Variants in KLF12 observed in about 807,000 individuals in gnomAD.
KLF12 encodes the protein KLF transcription factor 12.
A neutral mutation model predicts 37.8 loss-of-function variants in KLF12; 9 were observed. The observed-to-expected ratio is 0.24, with a 90% CI of 0.14 to 0.42. KLF12 has a LOEUF of 0.42. KLF12 is among the 10% of genes least tolerant of loss of function. KLF12 has a pLI of 1.00. For synonymous variants in KLF12, 208 were observed against 202.1 expected (o/e 1.03, Z -0.25); for missense variants, 411 against 516.0 (o/e 0.80, Z 1.97).
chr13:74,255,234 C>T, the KLF12 span, among the ~76,000 whole-genome samples: 1 of 152,124 alleles, frequency 6.6e-6, no homozygotes, highest in African/African-American at 2.4e-5. Flanking sequence ...GTAAGTGCTC[C>T]ATAAATACTG....
At chr13:73,791,585 C>T (rs1448997743) in intron 5 of KLF12, among the ~76,000 whole-genome samples, 1 of 152,190 alleles carries the variant, frequency 6.6e-6, no homozygotes, top group African/African-American at 2.4e-5. Context: ...ACCTTATGCT[C>T]TGCATATCTA....
At chr13:73,746,299 G>A (rs1878366655) in intron 6 of KLF12, among the ~76,000 whole-genome samples, 1 of 152,066 alleles carries the variant, frequency 6.6e-6, no homozygotes. Context: ...AACTCCCAGG[G>A]CCAACATATG....
intron 7 of KLF12, among the ~76,000 whole-genome samples, chr13:73,703,600 A>C (rs1874713462): frequency 6.6e-6 from 1 of 152,192 alleles, no homozygotes; most frequent in Admixed American, 6.5e-5. Context: ...TTCTCTAATA[A>C]GTATTGTTGA....
the KLF12 span, among the ~76,000 whole-genome samples, chr13:74,190,835 A>G: frequency 6.6e-6 from 1 of 152,202 alleles, no homozygotes; most frequent in Admixed American, 6.5e-5. Flanking sequence ...CTAGGATTCA[A>G]TGTTTCAATG....
At chr13:73,817,224 G>A (rs113288408) in intron 4 of KLF12, among the ~76,000 whole-genome samples, 29,648 of 150,842 alleles carry the variant, frequency 0.2, 3,252 homozygotes, top group East Asian at 0.48. Flanking sequence ...AGGCTGAGGT[G>A]GGAGGATCAC....
chr13:73,797,686 C>T (rs1477903846), intron 5 of KLF12, among the ~76,000 whole-genome samples: 1 of 149,426 alleles, frequency 6.7e-6, no homozygotes, highest in African/African-American at 2.5e-5. Context: ...AGGATGATCC[C>T]TTGAGCCCAG....
chr13:73,879,881 C>T (rs754334675), intron 3 of KLF12, among the ~76,000 whole-genome samples: 4 of 152,206 alleles, frequency 2.6e-5, no homozygotes, highest in Admixed American at 2.6e-4. Context: ...ATATGGTTCA[C>T]ACAGCCTAAA....
At chr13:73,945,246 A>G (rs2139375439) in intron 2 of KLF12, among the ~76,000 whole-genome samples, 1 of 152,312 alleles carries the variant, frequency 6.6e-6, no homozygotes, top group African/African-American at 2.4e-5. Flanking sequence ...AGGCGGGTGG[A>G]TCACCTGAGG....
In KLF12 at chr13:73,862,052, TG is replaced by T. The variant is rs200304960; in HGVS notation, c.124-15680del. On this transcript the variant is annotated intron_variant, in intron 3 of 7. Coordinates refer to ENST00000377669, the MANE Select transcript of KLF12 (RefSeq NM_007249.5). ...ACAAACAGAAGAGTGCAGATATAGT[TG>T]GGTTTTTTTTTTTTTTTTGAAAAAT... Among the ~76,000 whole-genome samples the T allele has an allele frequency of 5.4e-5, 6 of 111,302 alleles. 1 individual carries two copies. Among genetic ancestry groups the T allele is most frequent in the South Asian group, 8.0e-4 (2 of 2,508 alleles). 73.0% of individuals were successfully genotyped at this position (111,302 alleles called of 152,430 possible).
rs375603878 is a variant in KLF12 at position 73,765,970 on chromosome 13, A to G, written c.807-970T>C. On this transcript the variant is annotated intron_variant, in intron 5 of 7. Coordinates refer to ENST00000377669, the MANE Select transcript of KLF12 (RefSeq NM_007249.5). The stretch of plus-strand genomic sequence containing the variant: ...CCCAGTTCTCTGTAGTTGTTTAATA[A>G]GTGAAAATCATTCCAAAACAGATAA... 4.1e-4 allele frequency among the ~76,000 whole-genome samples: 61 copies of G among 148,250 alleles called. No homozygotes were observed. The South Asian group carries it at 0.012, about 30-fold the overall frequency.
the KLF12 span, among the ~76,000 whole-genome samples, chr13:74,262,846 TAC>T: frequency 1.1e-4 from 16 of 151,944 alleles, no homozygotes; most frequent in African/African-American, 2.9e-4. Flanking sequence ...TATATGTATG[TAC>T]ACACATATAT....
chr13:74,064,728 T>A (rs1873807697), intron 1 of KLF12, among the ~76,000 whole-genome samples: 1 of 152,192 alleles, frequency 6.6e-6, no homozygotes, highest in African/African-American at 2.4e-5. Context: ...GAGTAGTTTG[T>A]GATGCTGACT....
chr13:74,151,076 T>C, the KLF12 span, among the ~76,000 whole-genome samples: 104 of 152,340 alleles, frequency 6.8e-4, no homozygotes, highest in African/African-American at 2.0e-3. Context: ...TTATTAATTT[T>C]AGGACTTAAC....
chr13:73,687,660 C>A lies in KLF12; in HGVS notation c.*7830G>T, dbSNP rs1406623384. On this transcript the variant is annotated 3_prime_UTR_variant, in exon 8 of 8. Coordinates refer to ENST00000377669, the MANE Select transcript of KLF12 (RefSeq NM_007249.5). ...ATATCTTACTTTTTGATTGCTTGGA[C>A]ACTTTTATCACTAGATTTGGATCCA... 6.6e-6 allele frequency: 1 copy of A among 152,046 alleles called. No homozygotes were observed. The highest frequency in any genetic ancestry group is 1.5e-5 in the Non-Finnish European group (1 of 67,998). The allele number at this position is 152,046 out of a possible 1,614,324, so 9.4% of individuals were successfully genotyped here.
At chr13:74,082,947 A>G (rs1266337517) in intron 1 of KLF12, among the ~76,000 whole-genome samples, 2 of 152,234 alleles carry the variant, frequency 1.3e-5, no homozygotes, top group African/African-American at 4.8e-5. Flanking sequence ...TACATTAAGC[A>G]AAGCAAAACA....
intron 5 of KLF12, among the ~76,000 whole-genome samples, chr13:73,790,746 A>G (rs765497811): frequency 1.3e-5 from 2 of 152,190 alleles, no homozygotes; most frequent in African/African-American, 4.8e-5. Flanking sequence ...CCCTCCTTAC[A>G]GTCTAATGGG....
chr13:74,045,400 G>A (rs528085512), intron 1 of KLF12, among the ~76,000 whole-genome samples: 7 of 152,154 alleles, frequency 4.6e-5, no homozygotes, highest in East Asian at 1.9e-4. Context: ...AATACCCGAC[G>A]AGCACACCTC....
At chr13:74,047,357 C>A (rs1251670209) in intron 1 of KLF12, among the ~76,000 whole-genome samples, 1 of 151,398 alleles carries the variant, frequency 6.6e-6, no homozygotes, top group African/African-American at 2.4e-5. Context: ...TTTGGGAGGC[C>A]GAGGCAGGCA....
At chr13:73,939,178 C>G (rs983729051) in intron 3 of KLF12, among the ~76,000 whole-genome samples, 2 of 152,126 alleles carry the variant, frequency 1.3e-5, no homozygotes, top group South Asian at 2.1e-4. Flanking sequence ...GCTCCTTCCC[C>G]GCGGCAGATT....
Sources: gnomAD v4.1 joint callset for allele counts (sites outside exome capture counted in the v4.1 genomes callset) on GRCh38, gnomAD v4.1.1 for gene constraint, MANE v1.5 for transcripts, NCBI Gene and HGNC (gene_info 2026-07-23, HGNC 2026-07-21) for gene names.